ARFGAP1: variants seen among roughly 807,000 people sequenced by gnomAD.
The protein encoded by ARFGAP1 is ADP-ribosylation factor GTPase-activating protein 1.
ARFGAP1 carries 26 observed loss-of-function variants against 54.0 expected under a neutral mutation model. That is an observed-to-expected ratio of 0.48 (90% confidence interval 0.35 to 0.67). The LOEUF is 0.67. Among genes scored for constraint, ARFGAP1 ranks in the 30% least tolerant of loss-of-function variants. ARFGAP1 has a pLI of 0.00. For synonymous variants in ARFGAP1, 248 were observed against 211.9 expected, an observed-to-expected ratio of 1.17 and a Z score of -1.48; for missense variants, 525 against 535.8, an observed-to-expected ratio of 0.98 and a Z score of 0.20.
chr20:63,283,819 C>G (rs1455984196), intron 9 of ARFGAP1: 2 of 1,613,314 alleles, frequency 1.2e-6, no homozygotes, highest in African/African-American at 2.7e-5. Context: ...ACCTTGCTCT[C>G]TCCTCACCTG....
rs1294695847 is a variant in ARFGAP1 at position 63,276,839 on chromosome 20, C to CG, written c.342+194dup. On this transcript the variant is annotated intron_variant, in intron 4 of 12. Transcript: ENST00000370283. The surrounding 1 kb of genome is among the most constrained non-coding windows in gnomAD (Gnocchi z 5.2). ...GCCCAGAGGGGAGGCAAATGGCTTG[C>CG]GGGGGGAGACAGACCTTCCCCGCCT... The CG allele has an allele frequency of 6.4e-6, 4 of 627,832 alleles. No individual in the cohort carries two copies. Among genetic ancestry groups the CG allele is most frequent in the East Asian group, 2.8e-5 (1 of 35,156 alleles). The allele number at this position is 627,832 out of a possible 1,614,324, so 38.9% of individuals were successfully genotyped here.
At chr20:63,287,493 CG>C in intron 12 of ARFGAP1, 70 bp from the exon 13 acceptor site, 5 of 1,440,550 alleles carry the variant, frequency 3.5e-6, no homozygotes, top group South Asian at 1.4e-5. Flanking sequence ...GCAGAGCTCT[CG>C]GGGGCACAGA....
intron 9 of ARFGAP1, chr20:63,284,365 G>C: frequency 9.4e-7 from 1 of 1,059,252 alleles, no homozygotes; most frequent in Non-Finnish European, 1.1e-6. Context: ...ATCCCCAGGT[G>C]GCCGTGTGGC....
intron 1 of ARFGAP1, among the ~76,000 whole-genome samples, chr20:63,275,179 C>T (rs952748637): frequency 6.6e-5 from 10 of 152,188 alleles, no homozygotes; most frequent in Admixed American, 2.6e-4. Flanking sequence ...GGTGTGTCGC[C>T]TTTTAGGTGG....
chr20:63,286,049 G>A, intron 11 of ARFGAP1: 3 of 1,549,212 alleles, frequency 1.9e-6, no homozygotes, highest in Non-Finnish European at 2.6e-6. Context: ...ATTTTGTCCT[G>A]TTTCCTGGCA....
chr20:63,277,110 C>G, intron 4 of ARFGAP1, 95 bp from the exon 5 acceptor site: 1 of 1,072,360 alleles, frequency 9.3e-7, no homozygotes, highest in African/African-American at 1.6e-5. Flanking sequence ...GGTGGGTGCT[C>G]CAGGCGGGCC....
At chr20:63,285,874 AG>A in intron 11 of ARFGAP1, 161 bp downstream of exon 11, 2 of 1,423,258 alleles carry the variant, frequency 1.4e-6, no homozygotes. Context: ...TGACAGCCCG[AG>A]GGATATGGAA....
intron 7 of ARFGAP1, chr20:63,279,202 T>A: frequency 1.8e-6 from 1 of 565,104 alleles, no homozygotes; most frequent in Non-Finnish European, 3.2e-6. Flanking sequence ...TCACTTCCTT[T>A]TTTTTTTTTT....
intron 8 of ARFGAP1, among the ~76,000 whole-genome samples, chr20:63,282,490 C>G (rs75356513): frequency 0.059 from 8,990 of 152,340 alleles, 330 homozygotes; most frequent in Middle Eastern, 0.11. Flanking sequence ...CCCAGCCCGT[C>G]TTCTGCTCCA....
chr20:63,277,466 C>T (rs989554147), intron 5 of ARFGAP1, among the ~76,000 whole-genome samples, 161 bp downstream of exon 5: 3 of 152,220 alleles, frequency 2.0e-5, no homozygotes, highest in Non-Finnish European at 4.4e-5. Context: ...ACAATACAAG[C>T]TTTTAGTAAA....
intron 8 of ARFGAP1, 97 bp from the exon 9 acceptor site, chr20:63,282,722 G>C (rs1318311268): frequency 1.5e-6 from 2 of 1,341,598 alleles, no homozygotes; most frequent in African/African-American, 2.9e-5. Flanking sequence ...GGGGGCCATT[G>C]AGAGACAGTC....
At position 63,276,062 on chromosome 20, in the gene ARFGAP1, C is replaced by A; in HGVS notation, c.61-29C>A. 6.2e-7 allele frequency: 1 copy of A among 1,602,946 alleles called. No individual in the cohort carries two copies. Among genetic ancestry groups the A allele is most frequent in the Non-Finnish European group, 8.5e-7 (1 of 1,170,358 alleles). On this transcript the variant is annotated intron_variant, in intron 2 of 12. Transcript: ENST00000370283. The surrounding 1 kb of genome is among the most constrained non-coding windows in gnomAD (Gnocchi z 5.2). ...GTCCCTGGGCTCTGCCCTGAGCCACCTGGTGAGTCACTTGTGGCCCCTTTG... is the reference window on the plus strand; with the variant it reads ...GTCCCTGGGCTCTGCCCTGAGCCACATGGTGAGTCACTTGTGGCCCCTTTG...
chr20:63,285,496 C>G, intron 10 of ARFGAP1, 158 bp from the exon 11 acceptor site: 1 of 746,678 alleles, frequency 1.3e-6, no homozygotes, highest in Non-Finnish European at 2.3e-6. Context: ...GCTGGAATCC[C>G]TTTGGGGCCA....
At chr20:63,282,943 T>C (rs560685950) in intron 9 of ARFGAP1, 92 bp downstream of exon 9, 3 of 1,386,836 alleles carry the variant, frequency 2.2e-6, no homozygotes, top group East Asian at 4.6e-5. Context: ...TGGTTCCCTC[T>C]TCTCAGGCCA....
chr20:63,288,028 C>A lies in ARFGAP1; in HGVS notation c.*155C>A. ...AGGACCCTAGGGAGACCCGGGTGTG[C>A]GCCGCCTGCGCGTGGGGAGTCTTCG... On this transcript the variant is annotated 3_prime_UTR_variant, in exon 13 of 13. Coordinates refer to ENST00000370283, the MANE Select transcript of ARFGAP1 (RefSeq NM_018209.4). The A allele has an allele frequency of 1.1e-6, 1 of 907,356 alleles. No homozygotes were observed. The highest frequency in any genetic ancestry group is 1.6e-6 in the Non-Finnish European group (1 of 617,272). The allele number at this position is 907,356 out of a possible 1,614,324, so 56.2% of individuals were successfully genotyped here.
At chr20:63,286,109 C>T (rs1313178111) in intron 11 of ARFGAP1, 1 of 1,550,066 alleles carries the variant, frequency 6.5e-7, no homozygotes, top group Non-Finnish European at 8.7e-7. Flanking sequence ...CTCGCTCCTC[C>T]CCCCCAAGCA....
chr20:63,283,460 C>T (rs1030122910), intron 9 of ARFGAP1: 23 of 235,568 alleles, frequency 9.8e-5, no homozygotes, highest in African/African-American at 3.2e-4. Context: ...GGACTGCAGG[C>T]GTGGAGCTGT....
intron 9 of ARFGAP1, chr20:63,283,602 T>G (rs2067443524): frequency 2.0e-6 from 1 of 503,178 alleles, no homozygotes; most frequent in African/African-American, 2.0e-5. Context: ...CACCCCCAGC[T>G]GCAGGGACGC....
At chr20:63,285,138 G>T (rs1689136114) in intron 10 of ARFGAP1, among the ~76,000 whole-genome samples, 1 of 151,970 alleles carries the variant, frequency 6.6e-6, no homozygotes, top group South Asian at 2.1e-4. Flanking sequence ...CTCCCTTGCA[G>T]TGCCCCCAGC....
Sources: gnomAD v4.1 joint callset for allele counts (sites outside exome capture counted in the v4.1 genomes callset) on GRCh38, gnomAD v4.1.1 for gene constraint, Gnocchi (gnomAD v3.1) non-coding constraint, MANE v1.5 for transcripts, NCBI Gene and HGNC (gene_info 2026-07-23, HGNC 2026-07-21) for gene names.